Variants in PACRGL observed in about 807,000 individuals in gnomAD.
PACRGL encodes parkin coregulated like.
A neutral mutation model predicts 34.5 loss-of-function variants in PACRGL; 38 were observed. That is an observed-to-expected ratio of 1.10 (90% CI 0.85 to 1.44). The LOEUF is 1.44. Ranked by LOEUF, PACRGL falls within the 40% of genes most tolerant of loss-of-function variation. The probability of loss-of-function intolerance (pLI) is 0.00; values close to 1 mark genes in which losing one functional copy is unlikely to be tolerated. For missense variants in PACRGL, 305 were observed against 281.4 expected, an observed-to-expected ratio of 1.08 and a Z score of -0.60; for synonymous variants, 128 against 100.1, an observed-to-expected ratio of 1.28 and a Z score of -1.66.
chr4:20,704,507 G>T lies in PACRGL; in HGVS notation c.26G>T (p.Gly9Val). Residue 9 changes from glycine to valine, a missense_variant, in exon 2 of 9, where the codon GGT becomes GTT. Coordinates refer to ENST00000503585, the MANE Select transcript of PACRGL (RefSeq NM_001258345.3). Reference sequence around the variant, plus strand: ...ATGCAGAAATCAGAGGGCTCTGGAGGTACACAGTTGAAAAACAGAGCAACA... The same window carrying T: ...ATGCAGAAATCAGAGGGCTCTGGAGTTACACAGTTGAAAAACAGAGCAACA... MQKSEGSG[G>V]TQLKNRATGN... is the part of the protein sequence containing the mutation. 2 of 1,613,904 alleles carry T rather than the reference G, an allele frequency of 1.2e-6. No homozygotes were observed. Among genetic ancestry groups the T allele is most frequent in the South Asian group, 1.1e-5 (1 of 91,054 alleles).
intron 8 of PACRGL, among the ~76,000 whole-genome samples, chr4:20,745,873 TG>T (rs1450918351): frequency 6.6e-6 from 1 of 152,160 alleles, no homozygotes; most frequent in Non-Finnish European, 1.5e-5. Flanking sequence ...GTTGCCTTAC[TG>T]GGTAATGAGA....
upstream of PACRGL, among the ~76,000 whole-genome samples, chr4:20,698,813 C>T (rs964943026): frequency 6.6e-6 from 1 of 152,180 alleles, no homozygotes; most frequent in Non-Finnish European, 1.5e-5. Context: ...ATGTCCTCCA[C>T]GTTAGTCTTA....
intron 8 of PACRGL, among the ~76,000 whole-genome samples, chr4:20,744,245 A>C (rs1298354644): frequency 3.3e-5 from 5 of 152,214 alleles, no homozygotes; most frequent in Non-Finnish European, 7.3e-5. Flanking sequence ...TTGACCCAGC[A>C]ATCCCATTAC....
chr4:20,707,864 C>G lies in PACRGL; in HGVS notation c.269C>G (p.Pro90Arg). 6.2e-7 allele frequency: 1 copy of G among 1,610,898 alleles called. No homozygotes were observed. Among genetic ancestry groups the G allele is most frequent in the Non-Finnish European group, 8.5e-7 (1 of 1,177,330 alleles). The change falls in exon 4 of 9, where the codon CCT (proline) becomes CGT (arginine). Residue 90 changes from proline to arginine, a missense_variant. Pro to Arg is a moderately radical substitution (Grantham distance 103). Coordinates refer to ENST00000503585, the MANE Select transcript of PACRGL (RefSeq NM_001258345.3). ...GCTATTTACTCTAAAGGAGGTATTCCTTGCAGGTAAAATCAATATGATTTA... is the reference window on the plus strand; with the variant it reads ...GCTATTTACTCTAAAGGAGGTATTCGTTGCAGGTAAAATCAATATGATTTA... ...FAAIYSKGGI[P>R]CRLVHGSVKH...
intron 7 of PACRGL, among the ~76,000 whole-genome samples, chr4:20,714,659 A>G (rs553906525): frequency 6.6e-6 from 1 of 152,212 alleles, no homozygotes; most frequent in East Asian, 1.9e-4. Context: ...TTCCATGTTT[A>G]GTGCTTCCTT....
chr4:20,733,723 G>A (rs1748909151), downstream of PACRGL, among the ~76,000 whole-genome samples: 1 of 152,108 alleles, frequency 6.6e-6, no homozygotes, highest in Non-Finnish European at 1.5e-5. Context: ...TATACAAGAA[G>A]CACTATTTAG....
At chr4:20,759,043 A>G in the PACRGL span, among the ~76,000 whole-genome samples, 1 of 152,190 alleles carries the variant, frequency 6.6e-6, no homozygotes, top group Non-Finnish European at 1.5e-5. Flanking sequence ...AGCACACTAT[A>G]AACTTATGTT....
chr4:20,725,697 TAA>T (rs917311038), intron 8 of PACRGL, among the ~76,000 whole-genome samples: 10 of 152,076 alleles, frequency 6.6e-5, no homozygotes, highest in African/African-American at 2.4e-4. Flanking sequence ...TATACAATTT[TAA>T]AATGGCAGAC....
chr4:20,713,518 T>C lies in PACRGL; in HGVS notation c.588T>C (p.His196=), dbSNP rs1165223447. The C allele has an allele frequency of 1.9e-6, 3 of 1,611,898 alleles. No homozygotes were observed. The highest frequency in any genetic ancestry group is 4.5e-5 in the East Asian group (2 of 44,836). ...TTGTTGGTCCTTCTCTAAACGACCA[T>C]CTGAAGCATCTGCTTACAAGCGTAA... ...SVVVGPSLND[H]LKHLLTSLSK... The change falls in exon 7 of 9, where the codon CAT becomes CAC. Residue 196 remains histidine (H), a synonymous_variant. Transcript: ENST00000503585.
rs186486903 is a variant in PACRGL, at chr4:20,727,096, T to G, written c.691-189T>G. On this transcript the variant is annotated intron_variant, in intron 8 of 8. Coordinates refer to ENST00000503585, the MANE Select transcript of PACRGL (RefSeq NM_001258345.3). Reference sequence around the variant, plus strand: ...CTAACTACTTCTCTAGTTAGATACTTCAAAAAAAGAGAAAGAAACAGCCTA... The same window carrying G: ...CTAACTACTTCTCTAGTTAGATACTGCAAAAAAAGAGAAAGAAACAGCCTA... Among the ~76,000 whole-genome samples, 16 of 152,260 alleles carry G rather than the reference T, an allele frequency of 1.1e-4. No individual in the cohort carries two copies. In the East Asian group the frequency reaches 3.1e-3, roughly 29 times the overall value.
chr4:20,703,276 G>T (rs1263706220), intron 1 of PACRGL, among the ~76,000 whole-genome samples: 1 of 152,146 alleles, frequency 6.6e-6, no homozygotes, highest in Non-Finnish European at 1.5e-5. Flanking sequence ...ATTATTAAAG[G>T]CATTAAAATG....
chr4:20,764,266 A>G, the PACRGL span, among the ~76,000 whole-genome samples: 1 of 152,208 alleles, frequency 6.6e-6, no homozygotes, highest in Non-Finnish European at 1.5e-5. Context: ...ATAAGCATAT[A>G]TACCGTAGAA....
At chr4:20,724,999 A>G (rs1745019869) in intron 8 of PACRGL, 111 bp downstream of exon 8, 3 of 575,704 alleles carry the variant, frequency 5.2e-6, no homozygotes, top group Admixed American at 4.0e-5. Context: ...ACAGGTAACT[A>G]TGTGAAATTG....
the PACRGL span, among the ~76,000 whole-genome samples, chr4:20,762,858 A>G: frequency 6.6e-6 from 1 of 152,200 alleles, no homozygotes; most frequent in African/African-American, 2.4e-5. Flanking sequence ...AAAGAGGTTA[A>G]TTGACTCACA....
chr4:20,704,561 A>G, intron 2 of PACRGL, 28 bp downstream of exon 2: 2 of 1,613,580 alleles, frequency 1.2e-6, no homozygotes, highest in Non-Finnish European at 1.7e-6. Flanking sequence ...TTAAGTGAAG[A>G]GGTCAAGTTT....
chr4:20,734,525 T>A (rs1749116941), downstream of PACRGL: 1 of 571,872 alleles, frequency 1.7e-6, no homozygotes, highest in East Asian at 3.2e-5. Context: ...TATTTTGGAA[T>A]TTCCTCAAAA....
Position 20,705,623 on chromosome 4 carries a change from C to T in PACRGL, c.207+809C>T, listed in dbSNP as rs887009593. On this transcript the variant is annotated intron_variant, in intron 3 of 8. Transcript: ENST00000503585. ...AGAAGGCCCTAATAATCTTGTTGCT[C>T]TCACTTCCTTTGCTTATGTTTAGTT... Among the ~76,000 whole-genome samples the T allele has an allele frequency of 6.6e-5, 10 of 152,046 alleles. No individual in the cohort carries two copies. In the South Asian group the frequency reaches 2.1e-3, roughly 32 times the overall value.
rs756032340 is a variant in PACRGL, at chr4:20,729,921, G to A, written c.*2580G>A. ...AAAGGATGCAAATTTATAACTGAAA[G>A]CTCAAATCTTTTGGGGATTGCTTTA... On this transcript the variant is annotated 3_prime_UTR_variant, in exon 9 of 9. Coordinates refer to ENST00000503585, the MANE Select transcript of PACRGL (RefSeq NM_001258345.3). The A allele has an allele frequency of 1.3e-6, 1 of 752,018 alleles. No individual in the cohort carries two copies. The highest frequency in any genetic ancestry group is 1.9e-6 in the Non-Finnish European group (1 of 515,058). The allele number at this position is 752,018 out of a possible 1,614,324, so 46.6% of individuals were successfully genotyped here. A position where few individuals can be genotyped will look rare whatever the true frequency, so the allele number is the denominator to read the frequency against.
At position 20,704,801 on chromosome 4, in the gene PACRGL, AAAC is replaced by A. The variant is rs1733796823; in HGVS notation, c.197_199del (p.Thr66del). The A allele has an allele frequency of 9.9e-6, 16 of 1,614,040 alleles. No homozygotes were observed. Among genetic ancestry groups the A allele is most frequent in the Non-Finnish European group, 1.3e-5 (15 of 1,179,934 alleles). ...AGACCAAGTGATAAACTGAACCCTAAAACAATTAATCCGGTAGGTCCAAAACTA... is the reference window on the plus strand; with the variant it reads ...AGACCAAGTGATAAACTGAACCCTAAAATTAATCCGGTAGGTCCAAAACTA... On this transcript the variant is annotated inframe_deletion, in exon 3 of 9. Transcript: ENST00000503585.
Sources: allele counts gnomAD v4.1 joint callset (sites outside exome capture counted in the v4.1 genomes callset), GRCh38; gene constraint gnomAD v4.1.1; transcripts MANE v1.5; gene names NCBI Gene and HGNC (gene_info 2026-07-23, HGNC 2026-07-21).